Variants in TSHZ1 observed in about 807,000 individuals in gnomAD.
The protein encoded by TSHZ1 is teashirt homolog 1.
TSHZ1 carries 12 observed loss-of-function variants against 67.1 expected under a neutral mutation model. The ratio of observed to expected loss-of-function variants is 0.18; its 90% CI spans 0.11 to 0.29. The LOEUF is 0.29. TSHZ1 is among the 10% of genes least tolerant of loss of function. TSHZ1 has a pLI of 1.00. For synonymous variants in TSHZ1, 632 were observed against 622.4 expected, an observed-to-expected ratio of 1.02 and a Z score of -0.23; for missense variants, 1,305 against 1,413.9, an observed-to-expected ratio of 0.92 and a Z score of 1.23.
At chr18:75,247,766 A>C (rs2023242372) in intron 1 of TSHZ1, among the ~76,000 whole-genome samples, 1 of 152,176 alleles carries the variant, frequency 6.6e-6, no homozygotes, top group Non-Finnish European at 1.5e-5. Flanking sequence ...ACAGCAGAGA[A>C]GCACAGCTTT....
chr18:75,243,664 T>G (rs1425882155), intron 1 of TSHZ1, among the ~76,000 whole-genome samples: 1 of 152,162 alleles, frequency 6.6e-6, no homozygotes, highest in East Asian at 1.9e-4. Context: ...GTGGATTCAG[T>G]AGGACTAGCT....
intron 1 of TSHZ1, among the ~76,000 whole-genome samples, chr18:75,227,087 A>G (rs1484400215): frequency 6.6e-6 from 1 of 151,972 alleles, no homozygotes; most frequent in Non-Finnish European, 1.5e-5. Flanking sequence ...GCATCTCCCC[A>G]CTTTCTAGCA....
chr18:75,287,653 T>G lies in TSHZ1; in HGVS notation c.2246T>G (p.Leu749Trp). Residue 749 changes from leucine to tryptophan, a missense_variant, in exon 2 of 2, where the codon TTG (leucine) becomes TGG (tryptophan). Around this residue, in one of 3 missense-constraint regions of TSHZ1, gnomAD observed 909 missense variants for 961.8 expected, o/e 0.95. Transcript: ENST00000580243. The surrounding 1 kb of genome is among the most constrained non-coding windows in gnomAD (Gnocchi z 5.0). Reference protein sequence around the residue: ...EPSFINPLSALQSIMNTHLGK... With the variant: ...EPSFINPLSAWQSIMNTHLGK... ...TCCTTCATCAACCCGCTGAGCGCTT[T>G]GCAGTCCATCATGAACACCCACCTG... The G allele has an allele frequency of 6.2e-7, 1 of 1,614,170 alleles. No individual in the cohort carries two copies. Among genetic ancestry groups the G allele is most frequent in the Non-Finnish European group, 8.5e-7 (1 of 1,180,036 alleles).
chr18:75,285,833 C>T lies in TSHZ1; in HGVS notation c.426C>T (p.Thr142=), dbSNP rs149100655. The T allele has an allele frequency of 6.8e-6, 11 of 1,613,766 alleles. No homozygotes were observed. Among genetic ancestry groups the T allele is most frequent in the African/African-American group, 1.3e-5 (1 of 74,866 alleles). Residue 142 remains threonine (T), a synonymous_variant, in exon 2 of 2, where the codon ACC becomes ACT. Transcript: ENST00000580243. ...TGGATTTAAAGAAGTCGGGTTCCACCACCAGCACCAACGATGCCAGCCAGA... is the reference window on the plus strand; with the variant it reads ...TGGATTTAAAGAAGTCGGGTTCCACTACCAGCACCAACGATGCCAGCCAGA... ...LALDLKKSGS[T]TSTNDASQKE...
intron 1 of TSHZ1, among the ~76,000 whole-genome samples, chr18:75,226,025 T>C (rs1481719394): frequency 2.0e-5 from 3 of 152,264 alleles, no homozygotes. Flanking sequence ...AAAATCCCCT[T>C]AGCAGGCATC....
At chr18:75,280,911 G>C (rs902727277) in intron 1 of TSHZ1, 2 of 779,738 alleles carry the variant, frequency 2.6e-6, no homozygotes, top group Non-Finnish European at 3.1e-6. Flanking sequence ...GGAGGGATGA[G>C]GGAGGGCCCA....
At chr18:75,240,053 C>T (rs2122549208) in intron 1 of TSHZ1, among the ~76,000 whole-genome samples, 1 of 152,272 alleles carries the variant, frequency 6.6e-6, no homozygotes, top group Admixed American at 6.5e-5. Context: ...TTGATGTCCC[C>T]TCCTTGAGCC....
intron 1 of TSHZ1, among the ~76,000 whole-genome samples, chr18:75,258,441 T>C (rs2023389559): frequency 6.6e-6 from 1 of 152,226 alleles, no homozygotes; most frequent in Non-Finnish European, 1.5e-5. Context: ...AGATAGCTTC[T>C]TTGTAAAGTT....
chr18:75,251,431 C>T (rs973512876), intron 1 of TSHZ1, among the ~76,000 whole-genome samples: 38 of 150,052 alleles, frequency 2.5e-4, no homozygotes, highest in African/African-American at 9.3e-4. Flanking sequence ...CTTTTTCACT[C>T]ACTAAATGGT....
chr18:75,243,127 G>A (rs1425253404), intron 1 of TSHZ1, among the ~76,000 whole-genome samples: 1 of 152,194 alleles, frequency 6.6e-6, no homozygotes, highest in African/African-American at 2.4e-5. Flanking sequence ...GCACCTTTCT[G>A]TGGGGTTCTG....
At chr18:75,258,264 G>A (rs568948824) in intron 1 of TSHZ1, among the ~76,000 whole-genome samples, 3 of 152,274 alleles carry the variant, frequency 2.0e-5, no homozygotes, top group South Asian at 2.1e-4. Context: ...TGCAAGTGCC[G>A]CACCCCCAAG....
intron 1 of TSHZ1, among the ~76,000 whole-genome samples, chr18:75,220,666 T>G (rs1450170034): frequency 6.6e-6 from 1 of 152,228 alleles, no homozygotes; most frequent in Non-Finnish European, 1.5e-5. Context: ...CACTTCATAT[T>G]TCCTAGGAAG....
chr18:75,262,036 T>A (rs1414757877), intron 1 of TSHZ1, among the ~76,000 whole-genome samples: 1 of 152,086 alleles, frequency 6.6e-6, no homozygotes, highest in African/African-American at 2.4e-5. Flanking sequence ...AAGCTGCTGG[T>A]TTCGATGAGA....
At chr18:75,257,031 G>A (rs895200755) in intron 1 of TSHZ1, among the ~76,000 whole-genome samples, 1 of 152,190 alleles carries the variant, frequency 6.6e-6, no homozygotes, top group Non-Finnish European at 1.5e-5. Flanking sequence ...AAAGAGTGGT[G>A]ATGTGCATTT....
At chr18:75,285,400 T>C in intron 1 of TSHZ1, 48 bp from the exon 2 acceptor site, 1 of 1,421,878 alleles carries the variant, frequency 7.0e-7, no homozygotes, top group Non-Finnish European at 9.2e-7. Flanking sequence ...GGCTGTCTCT[T>C]TGAAGATGAT....
At chr18:75,222,036 T>G (rs1487479224) in intron 1 of TSHZ1, among the ~76,000 whole-genome samples, 2 of 152,212 alleles carry the variant, frequency 1.3e-5, no homozygotes, top group African/African-American at 4.8e-5. Flanking sequence ...TGATTCAGAT[T>G]GTTAGTGCTT....
At chr18:75,277,986 T>C (rs767648107) in intron 1 of TSHZ1, among the ~76,000 whole-genome samples, 2 of 151,984 alleles carry the variant, frequency 1.3e-5, no homozygotes, top group Non-Finnish European at 2.9e-5. Flanking sequence ...GCTCCTACCA[T>C]GCTCTCCAGA....
chr18:75,236,567 A>G (rs551999731), intron 1 of TSHZ1, among the ~76,000 whole-genome samples: 4 of 152,296 alleles, frequency 2.6e-5, no homozygotes, highest in South Asian at 4.2e-4. Flanking sequence ...AATAATAACA[A>G]TAGCTATAAC....
At chr18:75,224,961 C>G (rs945780616) in intron 1 of TSHZ1, among the ~76,000 whole-genome samples, 1 of 151,984 alleles carries the variant, frequency 6.6e-6, no homozygotes, top group African/African-American at 2.4e-5. Context: ...TGGAGGAAGT[C>G]GCCGTCATGA....
Sources: allele counts gnomAD v4.1 joint callset (sites outside exome capture counted in the v4.1 genomes callset), GRCh38; gene constraint gnomAD v4.1.1; regional missense constraint gnomAD v4.1.1; non-coding constraint Gnocchi (gnomAD v3.1); transcripts MANE v1.5; gene names NCBI Gene and HGNC (gene_info 2026-07-23, HGNC 2026-07-21).